Variants in RFX7 observed in about 807,000 individuals in gnomAD.
The protein encoded by RFX7 is regulatory factor X7.
RFX7 carries 26 observed loss-of-function variants against 111.8 expected under a neutral mutation model. The ratio of observed to expected loss-of-function variants is 0.23; its 90% CI spans 0.17 to 0.32. The LOEUF (loss-of-function observed/expected upper bound fraction) is 0.32. RFX7 is among the 10% of genes least tolerant of loss of function. The pLI is 1.00. For synonymous variants in RFX7, 624 were observed against 624.4 expected (o/e 1.00, Z 0.01); for missense variants, 1,573 against 1,772.9 (o/e 0.89, Z 2.02).
intron 5 of RFX7, among the ~76,000 whole-genome samples, chr15:56,134,830 G>T (rs1328316964): frequency 6.6e-6 from 1 of 151,908 alleles, no homozygotes; most frequent in Non-Finnish European, 1.5e-5. Context: ...TGATCTCATT[G>T]TTCAATCCCC....
chr15:56,227,077 A>G (rs2043493588), intron 2 of RFX7, among the ~76,000 whole-genome samples: 1 of 152,212 alleles, frequency 6.6e-6, no homozygotes, highest in Admixed American at 6.5e-5. Flanking sequence ...AAGTAGAAAA[A>G]TTAAGTGGTT....
At chr15:56,220,967 T>G (rs979189360) in intron 2 of RFX7, among the ~76,000 whole-genome samples, 4 of 152,208 alleles carry the variant, frequency 2.6e-5, no homozygotes, top group African/African-American at 9.6e-5. Flanking sequence ...TTTGTAGACT[T>G]TGTCAAAGAT....
At chr15:56,224,509 A>G (rs2043461122) in intron 2 of RFX7, among the ~76,000 whole-genome samples, 1 of 126,866 alleles carries the variant, frequency 7.9e-6, no homozygotes, top group Non-Finnish European at 1.7e-5. Flanking sequence ...TTCTCTGTGT[A>G]AAACTGTATT....
At chr15:56,244,484 C>A (rs1259711283), upstream of RFX7, among the ~76,000 whole-genome samples, 3 of 152,106 alleles carry the variant, frequency 2.0e-5, no homozygotes, top group South Asian at 4.1e-4. Flanking sequence ...CAAGAACTCC[C>A]GGCTCCAATC....
chr15:56,224,171 T>A (rs1411995490), intron 2 of RFX7, among the ~76,000 whole-genome samples: 1 of 152,042 alleles, frequency 6.6e-6, no homozygotes, highest in African/African-American at 2.4e-5. Context: ...TTGTAAAATT[T>A]TGTAAAATGA....
At chr15:56,122,011 G>A (rs752117116) in intron 5 of RFX7, among the ~76,000 whole-genome samples, 78 of 152,078 alleles carry the variant, frequency 5.1e-4, no homozygotes, top group Non-Finnish European at 7.4e-4. Flanking sequence ...CTCCAGGATT[G>A]GTCCCTGGTG....
In RFX7 at chr15:56,243,762, G is replaced by A. The variant is rs1567059373; in HGVS notation, c.-320C>T. On this transcript the variant is annotated 5_prime_UTR_variant, in exon 1 of 10. Coordinates refer to ENST00000559447, the MANE Select transcript of RFX7 (RefSeq NM_022841.7). ...GGGTCCCCGTGCTGCTGCAGCCCCA[G>A]GCACCGCTCCACGCCACTCCCCACG... is the stretch of plus-strand genomic sequence containing the variant. Among the ~76,000 whole-genome samples, 3 of 150,412 alleles carry A rather than the reference G, an allele frequency of 2.0e-5. No individual in the cohort carries two copies. In the South Asian group the frequency reaches 6.2e-4, roughly 31 times the overall value.
rs763793273 is a variant in RFX7, at chr15:56,094,069, G to A, written c.3659C>T (p.Ala1220Val). 1 of 1,613,980 alleles carries A rather than the reference G, an allele frequency of 6.2e-7. No homozygotes were observed. Among genetic ancestry groups the A allele is most frequent in the South Asian group, 1.1e-5 (1 of 91,088 alleles). Reference sequence around the variant, plus strand: ...CAATGGAACTGATTGGCTTCTTTGAGCTATGTTGTTGGCACATGCGTCTGT... The same window carrying A: ...CAATGGAACTGATTGGCTTCTTTGAACTATGTTGTTGGCACATGCGTCTGT... ...VHTDACANNI[A>V]QRSQSVPLTV... Residue 1220 changes from alanine (A) to valine (V), a missense_variant, in exon 10 of 10, where the codon GCT becomes GTT. By Grantham distance (64) the Ala-to-Val change is moderately conservative. Coordinates refer to ENST00000559447, the MANE Select transcript of RFX7 (RefSeq NM_022841.7).
At chr15:56,234,963 A>G (rs2043606716) in intron 2 of RFX7, among the ~76,000 whole-genome samples, 1 of 152,202 alleles carries the variant, frequency 6.6e-6, no homozygotes, top group Non-Finnish European at 1.5e-5. Flanking sequence ...TTCCCCTGGG[A>G]GTTGACGAAA....
rs2041582954 is a variant in RFX7, at chr15:56,090,471, G to A, written c.*2874C>T. On this transcript the variant is annotated 3_prime_UTR_variant, in exon 10 of 10. Transcript: ENST00000559447. ...TGACATCAAAGGAAGAATAACATTGGGTCTGTTTACAAAATGTGTTGCCTA... is the reference window on the plus strand; with the variant it reads ...TGACATCAAAGGAAGAATAACATTGAGTCTGTTTACAAAATGTGTTGCCTA... The A allele has an allele frequency of 6.6e-6, 1 of 152,238 alleles. No individual in the cohort carries two copies. Among genetic ancestry groups the A allele is most frequent in the South Asian group, 2.1e-4 (1 of 4,800 alleles). 9.4% of individuals were successfully genotyped at this position (152,238 alleles called of 1,614,324 possible).
At chr15:56,230,141 G>C (rs189103331) in intron 2 of RFX7, among the ~76,000 whole-genome samples, 1 of 152,138 alleles carries the variant, frequency 6.6e-6, no homozygotes, top group Non-Finnish European at 1.5e-5. Context: ...TCAATGTTAA[G>C]GGGTCTTTAA....
chr15:56,125,784 T>A (rs2042136722), intron 5 of RFX7, among the ~76,000 whole-genome samples: 1 of 152,196 alleles, frequency 6.6e-6, no homozygotes, highest in African/African-American at 2.4e-5. Flanking sequence ...CGTTAAGGAC[T>A]TCCTCATGGA....
chr15:56,219,152 C>T (rs2043397881), intron 2 of RFX7, among the ~76,000 whole-genome samples: 2 of 152,124 alleles, frequency 1.3e-5, no homozygotes, highest in Non-Finnish European at 2.9e-5. Flanking sequence ...ACTTCATATA[C>T]ATTGACACTC....
At chr15:56,100,334 C>T (rs2041736399) in intron 8 of RFX7, among the ~76,000 whole-genome samples, 2 of 152,172 alleles carry the variant, frequency 1.3e-5, no homozygotes, top group South Asian at 4.1e-4. Context: ...AGACTTAGGT[C>T]ATACAGTTTA....
intron 3 of RFX7, among the ~76,000 whole-genome samples, chr15:56,146,392 C>T (rs2042472137): frequency 6.6e-6 from 1 of 152,022 alleles, no homozygotes; most frequent in Non-Finnish European, 1.5e-5. Context: ...GAACTACTGT[C>T]AAATATTATT....
intron 3 of RFX7, among the ~76,000 whole-genome samples, chr15:56,176,819 T>C (rs2042908146): frequency 6.6e-6 from 1 of 152,208 alleles, no homozygotes; most frequent in African/African-American, 2.4e-5. Flanking sequence ...AAATCTTCCA[T>C]TGCCATCATC....
chr15:56,135,201 C>A (rs1449732121), intron 5 of RFX7, among the ~76,000 whole-genome samples: 1 of 152,102 alleles, frequency 6.6e-6, no homozygotes, highest in Non-Finnish European at 1.5e-5. Flanking sequence ...CTGACTTCCA[C>A]AATGGTTGAA....
At chr15:56,165,705 A>T (rs2042774066) in intron 3 of RFX7, among the ~76,000 whole-genome samples, 3 of 152,178 alleles carry the variant, frequency 2.0e-5, no homozygotes, top group African/African-American at 7.2e-5. Context: ...GGGTATGCTA[A>T]GTTACCAAAA....
intron 5 of RFX7, among the ~76,000 whole-genome samples, chr15:56,130,200 G>GA (rs1370675004): frequency 1.3e-5 from 2 of 151,984 alleles, no homozygotes; most frequent in Non-Finnish European, 2.9e-5. Context: ...TACAGAATTT[G>GA]AAAAATATTA....
Sources: allele counts gnomAD v4.1 joint callset (sites outside exome capture counted in the v4.1 genomes callset), GRCh38; gene constraint gnomAD v4.1.1; transcripts MANE v1.5; gene names NCBI Gene and HGNC (gene_info 2026-07-23, HGNC 2026-07-21).